Variants in ITGA2 observed in about 807,000 individuals in gnomAD.
The protein encoded by ITGA2 is integrin alpha-2.
In ITGA2, 101 loss-of-function variants were observed where a neutral mutation model predicts 146.3. The ratio of observed to expected loss-of-function variants is 0.69; its 90% CI spans 0.59 to 0.81. The LOEUF (loss-of-function observed/expected upper bound fraction) is 0.81. ITGA2 is among the 40% of genes least tolerant of loss of function. The pLI, the probability that ITGA2 is intolerant of heterozygous loss-of-function variation, is 0.00. For missense variants in ITGA2, 1,281 were observed against 1,402.7 expected, an observed-to-expected ratio of 0.91 and a Z score of 1.39; for synonymous variants, 477 against 487.1, an observed-to-expected ratio of 0.98 and a Z score of 0.27.
intron 10 of ITGA2, among the ~76,000 whole-genome samples, chr5:53,058,661 G>C (rs1285836748): frequency 6.6e-6 from 1 of 151,426 alleles, no homozygotes; most frequent in African/African-American, 2.4e-5. Flanking sequence ...CAGGAGGTGA[G>C]AGAGATAGTG....
chr5:53,022,069 G>T (rs1007655767), intron 1 of ITGA2, among the ~76,000 whole-genome samples: 2 of 152,142 alleles, frequency 1.3e-5, no homozygotes, highest in African/African-American at 4.8e-5. Context: ...GCATCCTTTA[G>T]TTCTGACACT....
intron 2 of ITGA2, among the ~76,000 whole-genome samples, chr5:53,041,496 G>T (rs3212435): frequency 0.26 from 39,182 of 152,050 alleles, 5,741 homozygotes; most frequent in South Asian, 0.33. Context: ...ATATGAAAAT[G>T]CTTAGGGCAT....
intron 16 of ITGA2, among the ~76,000 whole-genome samples, chr5:53,068,209 T>C (rs1332016009): frequency 6.6e-6 from 1 of 151,854 alleles, no homozygotes; most frequent in Admixed American, 6.6e-5. Context: ...CAAAGCAAAA[T>C]TAGATTCAAA....
At chr5:53,013,900 A>T (rs974697212) in intron 1 of ITGA2, among the ~76,000 whole-genome samples, 2 of 151,860 alleles carry the variant, frequency 1.3e-5, no homozygotes, top group African/African-American at 2.4e-5. Flanking sequence ...TTTGGCCCTC[A>T]GCTTGGACGT....
intron 12 of ITGA2, among the ~76,000 whole-genome samples, chr5:53,062,262 A>C (rs951843057): frequency 6.6e-6 from 1 of 151,844 alleles, no homozygotes; most frequent in Non-Finnish European, 1.5e-5. Context: ...ATGATATTTT[A>C]ACTTTCTAAG....
intron 1 of ITGA2, among the ~76,000 whole-genome samples, chr5:52,990,565 GTGGTT>G (rs1561272326): frequency 2.8e-4 from 21 of 74,934 alleles, no homozygotes; most frequent in African/African-American, 8.1e-4. Flanking sequence ...AAGTGTGTGT[GTGGTT>G]TTTTTTTTTT....
At chr5:53,019,813 A>C (rs1369938046) in intron 1 of ITGA2, among the ~76,000 whole-genome samples, 1 of 152,226 alleles carries the variant, frequency 6.6e-6, no homozygotes, top group Middle Eastern at 3.2e-3. Context: ...GGCGTGAGCC[A>C]CCATGCCTGG....
intron 4 of ITGA2, 111 bp from the exon 5 acceptor site, chr5:53,048,252 T>C (rs575437029): frequency 1.2e-6 from 1 of 839,166 alleles, no homozygotes; most frequent in Non-Finnish European, 2.0e-6. Flanking sequence ...GAGTTGACAA[T>C]TATTAGTATC....
chr5:53,024,009 A>G (rs760107476), intron 1 of ITGA2, among the ~76,000 whole-genome samples: 2 of 152,234 alleles, frequency 1.3e-5, no homozygotes, highest in Non-Finnish European at 2.9e-5. Context: ...GGATGGTGAT[A>G]AAGAAGGTCA....
rs1269342514 is a variant in ITGA2, at chr5:53,093,788, T to TCA, written c.*3189_*3190insCA. ...GTGTACAGACAAGGTCTATAGAATGTGGTAAAAACTTGACTGCAACACAAG... is the reference window on the plus strand; with the variant it reads ...GTGTACAGACAAGGTCTATAGAATGTCAGGTAAAAACTTGACTGCAACACAAG... On this transcript the variant is annotated 3_prime_UTR_variant, in exon 30 of 30. Transcript: ENST00000296585. The TCA allele has an allele frequency of 2.6e-5, 4 of 152,616 alleles. No homozygotes were observed. Among genetic ancestry groups the TCA allele is most frequent in the African/African-American group, 9.7e-5 (4 of 41,450 alleles). The allele number at this position is 152,616 out of a possible 1,614,324, so 9.5% of individuals were successfully genotyped here. A position where few individuals can be genotyped will look rare whatever the true frequency, so the allele number is the denominator to read the frequency against.
intron 16 of ITGA2, 105 bp downstream of exon 16, chr5:53,067,362 A>G: frequency 8.2e-7 from 1 of 1,221,308 alleles, no homozygotes; most frequent in Non-Finnish European, 1.2e-6. Flanking sequence ...TAAGGGTTTT[A>G]GTTATAGACA....
chr5:52,991,120 C>T (rs1386667895), intron 1 of ITGA2, among the ~76,000 whole-genome samples: 1 of 152,146 alleles, frequency 6.6e-6, no homozygotes, highest in Non-Finnish European at 1.5e-5. Context: ...AAGGACACCT[C>T]AGGGCAAGCA....
chr5:53,027,687 C>T (rs1260920389), intron 2 of ITGA2, among the ~76,000 whole-genome samples: 1 of 152,194 alleles, frequency 6.6e-6, no homozygotes, highest in Non-Finnish European at 1.5e-5. Context: ...GCAGGAGGCT[C>T]CAACCATCCC....
chr5:53,051,670 T>C, intron 7 of ITGA2, 111 bp downstream of exon 7: 1 of 1,042,726 alleles, frequency 9.6e-7, no homozygotes, highest in Non-Finnish European at 1.4e-6. Context: ...ACCTGGTACC[T>C]AATTTAAATC....
At chr5:53,023,838 T>C (rs1579812929) in intron 1 of ITGA2, among the ~76,000 whole-genome samples, 1 of 152,332 alleles carries the variant, frequency 6.6e-6, no homozygotes, top group East Asian at 1.9e-4. Flanking sequence ...TATTTAGATA[T>C]CATATGCCAA....
chr5:53,067,109 G>A lies in ITGA2; in HGVS notation c.1944-9G>A, dbSNP rs748732160. The A allele has an allele frequency of 1.3e-5, 21 of 1,609,154 alleles. No individual in the cohort carries two copies. Among genetic ancestry groups the A allele is most frequent in the Non-Finnish European group, 1.8e-5 (21 of 1,177,936 alleles). Reference sequence around the variant, plus strand: ...CATCCATCCATCTGTTACTCTTTATGTCTTTTAGGTCACAAAGTATTGCTG... The same window carrying A: ...CATCCATCCATCTGTTACTCTTTATATCTTTTAGGTCACAAAGTATTGCTG... On this transcript the variant is annotated splice_polypyrimidine_tract_variant and intron_variant, in intron 15 of 29. Transcript: ENST00000296585.
intron 26 of ITGA2, among the ~76,000 whole-genome samples, chr5:53,082,485 A>G (rs1047334560): frequency 6.6e-6 from 1 of 152,196 alleles, no homozygotes; most frequent in African/African-American, 2.4e-5. Flanking sequence ...GGCCTTGAAC[A>G]TAGGCCAATG....
intron 15 of ITGA2, among the ~76,000 whole-genome samples, chr5:53,066,760 C>T (rs192743879): frequency 9.9e-5 from 15 of 151,492 alleles, no homozygotes; most frequent in African/African-American, 3.1e-4. Flanking sequence ...AAAAATAAAA[C>T]TCAAGAATAA....
At position 53,083,463 on chromosome 5, in the gene ITGA2, AGTTT is replaced by A; in HGVS notation, c.3258+11_3258+14del. 1 of 1,442,868 alleles carries A rather than the reference AGTTT, an allele frequency of 6.9e-7. No homozygotes were observed. Among genetic ancestry groups the A allele is most frequent in the African/African-American group, 1.4e-5 (1 of 71,826 alleles). The allele number at this position is 1,442,868 out of a possible 1,614,324, so 89.4% of individuals were successfully genotyped here. On this transcript the variant is annotated intron_variant, in intron 27 of 29. Transcript: ENST00000296585. ...CGGGACTTTCGCATCAGTAAGTATC[AGTTT>A]TATTTGTTAGATTTATCAATAGCAA...
Sources: allele counts gnomAD v4.1 joint callset (sites outside exome capture counted in the v4.1 genomes callset), GRCh38; gene constraint gnomAD v4.1.1; transcripts MANE v1.5; gene names NCBI Gene and HGNC (gene_info 2026-07-23, HGNC 2026-07-21).